Variants in ALDH1L2 observed in about 807,000 individuals in gnomAD.
ALDH1L2 encodes mitochondrial 10-formyltetrahydrofolate dehydrogenase.
Under a neutral mutation model 111.0 loss-of-function variants are expected in ALDH1L2, and 91 were observed. The ratio of observed to expected loss-of-function variants is 0.82; its 90% confidence interval spans 0.69 to 0.98. The LOEUF is 0.98. Among genes scored for constraint, ALDH1L2 ranks in the 50% least tolerant of loss-of-function variants. The pLI, the probability that ALDH1L2 is intolerant of heterozygous loss-of-function variation, is 0.00. For missense variants in ALDH1L2, 995 were observed against 1,126.8 expected (o/e 0.88, Z 1.67); for synonymous variants, 374 against 392.6 (o/e 0.95, Z 0.56).
At chr12:105,031,233 C>G (rs1300747422) in intron 20 of ALDH1L2, among the ~76,000 whole-genome samples, 1 of 152,182 alleles carries the variant, frequency 6.6e-6, no homozygotes, top group Non-Finnish European at 1.5e-5. Context: ...GCAACCTTCA[C>G]CACCATCCAT....
chr12:105,076,190 A>C (rs1878044327), intron 1 of ALDH1L2, among the ~76,000 whole-genome samples: 1 of 152,224 alleles, frequency 6.6e-6, no homozygotes, highest in African/African-American at 2.4e-5. Flanking sequence ...CAGAATCTTA[A>C]GCCCAGGAAG....
Position 105,070,734 on chromosome 12 carries a change from G to C in ALDH1L2, c.264C>G (p.Ile88Met). The change falls in exon 3 of 23, where the codon ATC (isoleucine) becomes ATG (methionine). Residue 88 changes from isoleucine (I) to methionine (M), a missense_variant. Physicochemically the swap from Ile to Met is conservative, Grantham distance 10. Transcript: ENST00000258494. Reference protein sequence around the residue: ...LPKWRVKGKTIKEVAEAYRSV... With the variant: ...LPKWRVKGKTMKEVAEAYRSV... ...ATCTGTAGGCTTCTGCCACTTCTTT[G>C]ATGGTCTTGCCCTTGACCCTCCATT... is the stretch of plus-strand genomic sequence containing the variant. The C allele has an allele frequency of 6.2e-7, 1 of 1,614,148 alleles. No homozygotes were observed. Among genetic ancestry groups the C allele is most frequent in the Non-Finnish European group, 8.5e-7 (1 of 1,180,022 alleles).
chr12:105,025,649 AAAAACAAAAC>A (rs767472639), intron 22 of ALDH1L2, among the ~76,000 whole-genome samples: 4 of 152,246 alleles, frequency 2.6e-5, no homozygotes, highest in African/African-American at 9.6e-5. Flanking sequence ...GAGAAAATGT[AAAAACAAAAC>A]AAAACAAAAA....
At chr12:105,027,568 C>G (rs138319649) in intron 21 of ALDH1L2, among the ~76,000 whole-genome samples, 329 of 152,304 alleles carry the variant, frequency 2.2e-3, no homozygotes, top group African/African-American at 7.1e-3. Context: ...TCCATCTCCC[C>G]TCGCCTTCAT....
chr12:105,035,067 GCC>G (rs1277114291), intron 18 of ALDH1L2, among the ~76,000 whole-genome samples: 2 of 151,960 alleles, frequency 1.3e-5, no homozygotes, highest in African/African-American at 4.8e-5. Context: ...ACTCTCTCTA[GCC>G]TCCCAAGTAG....
chr12:105,033,194 C>T (rs778886989), intron 19 of ALDH1L2, among the ~76,000 whole-genome samples: 1 of 152,164 alleles, frequency 6.6e-6, no homozygotes, highest in Non-Finnish European at 1.5e-5. Flanking sequence ...TTTATATTCC[C>T]AGCATGCAGT....
rs1053786537 is a variant in ALDH1L2 at position 105,021,822 on chromosome 12, T to G, written c.*2602A>C. 3.9e-5 allele frequency: 6 copies of G among 152,032 alleles called. No individual in the cohort carries two copies. The highest frequency in any genetic ancestry group is 1.5e-4 in the African/African-American group (6 of 41,362). The allele number at this position is 152,032 out of a possible 1,614,324, so 9.4% of individuals were successfully genotyped here. A position where few individuals can be genotyped will look rare whatever the true frequency, so the allele number is the denominator to read the frequency against. ...ATATCTAATTAAGAAGGCAAGTAAT[T>G]TTAGTACAAGTGGTAAGTGCTATGT... On this transcript the variant is annotated 3_prime_UTR_variant, in exon 23 of 23. Coordinates refer to ENST00000258494, the MANE Select transcript of ALDH1L2 (RefSeq NM_001034173.4).
intron 21 of ALDH1L2, among the ~76,000 whole-genome samples, chr12:105,028,908 T>C (rs1419409364): frequency 1.3e-5 from 2 of 152,230 alleles, no homozygotes; most frequent in Non-Finnish European, 2.9e-5. Flanking sequence ...TTGATGTCCC[T>C]ATGTTTTTAG....
chr12:105,054,094 G>A (rs1048702083), intron 10 of ALDH1L2, among the ~76,000 whole-genome samples: 6 of 151,996 alleles, frequency 3.9e-5, no homozygotes, highest in African/African-American at 1.2e-4. Flanking sequence ...TAATAATAAT[G>A]GAGGGTAATA....
At chr12:105,071,558 C>A (rs1331383730) in intron 2 of ALDH1L2, among the ~76,000 whole-genome samples, 4 of 126,818 alleles carry the variant, frequency 3.2e-5, no homozygotes, top group Middle Eastern at 5.7e-3. Flanking sequence ...TTACTGTGTG[C>A]CTTATATCTT....
rs1874072182 is a variant in ALDH1L2 at position 105,019,791 on chromosome 12, A to T, written c.*4633T>A. The T allele has an allele frequency of 6.6e-6, 1 of 152,236 alleles. No individual in the cohort carries two copies. The highest frequency in any genetic ancestry group is 2.4e-5 in the African/African-American group (1 of 41,466). The allele number at this position is 152,236 out of a possible 1,614,324, so 9.4% of individuals were successfully genotyped here. ...CATGTTGAATTAAAGCCATTGAAAT[A>T]TGCAGAATTGTGTTTATTGGCATAG... On this transcript the variant is annotated 3_prime_UTR_variant, in exon 23 of 23. Coordinates refer to ENST00000258494, the MANE Select transcript of ALDH1L2 (RefSeq NM_001034173.4).
chr12:105,043,954 C>A (rs755845130), intron 15 of ALDH1L2, among the ~76,000 whole-genome samples: 15 of 152,196 alleles, frequency 9.9e-5, no homozygotes, highest in Non-Finnish European at 1.8e-4. Context: ...ACAAAGCAGA[C>A]AACAGGTTTA....
intron 19 of ALDH1L2, 125 bp downstream of exon 19, chr12:105,034,175 T>G (rs974776163): frequency 1.1e-6 from 1 of 883,380 alleles, no homozygotes; most frequent in Non-Finnish European, 1.7e-6. Context: ...GGGACTGATT[T>G]TTTTTAAAAC....
At chr12:105,037,918 C>T (rs1285623923) in intron 18 of ALDH1L2, among the ~76,000 whole-genome samples, 185 bp downstream of exon 18, 1 of 152,102 alleles carries the variant, frequency 6.6e-6, no homozygotes, top group Non-Finnish European at 1.5e-5. Context: ...GTGCCCACCA[C>T]CACGCACGGC....
intron 15 of ALDH1L2, among the ~76,000 whole-genome samples, chr12:105,042,410 G>T (rs12367423): frequency 0.071 from 10,782 of 151,982 alleles, 415 homozygotes; most frequent in Middle Eastern, 0.092. Context: ...GGGTTTTTTT[G>T]TTGTTGTTGT....
chr12:105,050,072 G>A lies in ALDH1L2; in HGVS notation c.1536-14C>T. 2 of 1,567,730 alleles carry A rather than the reference G, an allele frequency of 1.3e-6. No homozygotes were observed. Among genetic ancestry groups the A allele is most frequent in the East Asian group, 4.5e-5 (2 of 44,106 alleles). On this transcript the variant is annotated splice_polypyrimidine_tract_variant and intron_variant, in intron 12 of 22. Transcript: ENST00000258494. ...AGGTCTGCAAGTCTGTGTGGTCAGT[G>A]AAAGAAATAAATTCAACAAGTATTG...
intron 12 of ALDH1L2, among the ~76,000 whole-genome samples, chr12:105,051,309 A>G (rs1278980171): frequency 1.3e-5 from 2 of 152,098 alleles, no homozygotes; most frequent in African/African-American, 4.8e-5. Context: ...AGGCACCCGC[A>G]GAATATTGGT....
intron 15 of ALDH1L2, among the ~76,000 whole-genome samples, chr12:105,042,355 T>TC (rs1306034398): frequency 6.6e-6 from 1 of 152,176 alleles, no homozygotes; most frequent in African/African-American, 2.4e-5. Flanking sequence ...TTAAGCCATG[T>TC]CCCTATGAAA....
At position 105,030,444 on chromosome 12, in the gene ALDH1L2, CAAA is replaced by C. The variant is rs1565949042; in HGVS notation, c.2411-18_2411-16del. 2 of 1,596,504 alleles carry C rather than the reference CAAA, an allele frequency of 1.3e-6. No homozygotes were observed. The highest frequency in any genetic ancestry group is 1.7e-6 in the Non-Finnish European group (2 of 1,171,904). On this transcript the variant is annotated splice_polypyrimidine_tract_variant and intron_variant, in intron 20 of 22. Coordinates refer to ENST00000258494, the MANE Select transcript of ALDH1L2 (RefSeq NM_001034173.4). ...CATGAAAAAGCCTTTTTGGAAAAAACAAAGAAAAAATGTCAACTGTAGGTTAAG... is the reference window on the plus strand; with the variant it reads ...CATGAAAAAGCCTTTTTGGAAAAAACGAAAAAATGTCAACTGTAGGTTAAG...
Sources: gnomAD v4.1 joint callset for allele counts (sites outside exome capture counted in the v4.1 genomes callset) on GRCh38, gnomAD v4.1.1 for gene constraint, MANE v1.5 for transcripts, NCBI Gene and HGNC (gene_info 2026-07-23, HGNC 2026-07-21) for gene names.